COL21A1: variants seen among roughly 807,000 people sequenced by gnomAD.
COL21A1 encodes the protein collagen alpha-1(XXI) chain.
In COL21A1, 149 loss-of-function variants were observed where a neutral mutation model predicts 137.9. The ratio of observed to expected loss-of-function variants is 1.08; its 90% confidence interval spans 0.95 to 1.24. COL21A1 has a LOEUF of 1.24. Ranked by LOEUF, COL21A1 falls within the 50% of genes most tolerant of loss-of-function variation. The pLI is 0.00. For missense variants in COL21A1, 1,167 were observed against 1,158.4 expected, an observed-to-expected ratio of 1.01 and a Z score of -0.11; for synonymous variants, 456 against 391.5, an observed-to-expected ratio of 1.16 and a Z score of -1.95.
intron 1 of COL21A1, among the ~76,000 whole-genome samples, chr6:56,384,725 C>CTAAA (rs2094014636): frequency 6.6e-6 from 1 of 152,044 alleles, no homozygotes; most frequent in Admixed American, 6.6e-5. Context: ...GTAAGAGCAC[C>CTAAA]AGCCTGGAGA....
At chr6:56,102,307 G>A (rs1323889861) in intron 16 of COL21A1, among the ~76,000 whole-genome samples, 1 of 152,078 alleles carries the variant, frequency 6.6e-6, no homozygotes, top group Non-Finnish European at 1.5e-5. Flanking sequence ...GCAAGGAAGA[G>A]CCTGTTGACA....
intron 10 of COL21A1, among the ~76,000 whole-genome samples, chr6:56,148,124 T>C (rs1774985162): frequency 6.6e-6 from 1 of 152,158 alleles, no homozygotes; most frequent in South Asian, 2.1e-4. Flanking sequence ...AATACAGTTG[T>C]CATATATCTA....
intron 7 of COL21A1, among the ~76,000 whole-genome samples, chr6:56,165,900 G>A (rs1776536485): frequency 7.8e-6 from 1 of 127,792 alleles, no homozygotes; most frequent in Non-Finnish European, 1.6e-5. Context: ...GGGGAAAGGG[G>A]ATTGATTACA....
intron 1 of COL21A1, among the ~76,000 whole-genome samples, chr6:56,283,874 A>ACTCTCT (rs66937943): frequency 1.2e-3 from 176 of 146,278 alleles, no homozygotes; most frequent in African/African-American, 3.7e-3. Context: ...TCACACACAC[A>ACTCTCT]CTCTCTCTCT....
chr6:56,362,700 G>GC (rs1562072413), intron 1 of COL21A1, among the ~76,000 whole-genome samples: 1 of 151,686 alleles, frequency 6.6e-6, no homozygotes, highest in Admixed American at 6.6e-5. Context: ...CTGAATTCCT[G>GC]CCAGCATTTA....
chr6:56,384,058 C>A (rs2094013365), intron 1 of COL21A1, among the ~76,000 whole-genome samples: 1 of 152,126 alleles, frequency 6.6e-6, no homozygotes, highest in Admixed American at 6.5e-5. Context: ...GTGCATCCAT[C>A]CCTCCAAAGC....
chr6:56,273,981 A>G (rs578102617), intron 1 of COL21A1, among the ~76,000 whole-genome samples: 2 of 152,314 alleles, frequency 1.3e-5, no homozygotes, highest in Non-Finnish European at 2.9e-5. Flanking sequence ...AAAATCCTCA[A>G]AAAAATGCTA....
At chr6:56,177,922 T>C (rs1401822869) in intron 3 of COL21A1, among the ~76,000 whole-genome samples, 1 of 152,158 alleles carries the variant, frequency 6.6e-6, no homozygotes, top group African/African-American at 2.4e-5. Flanking sequence ...ACATAAATTA[T>C]TTATATCTTT....
intron 17 of COL21A1, among the ~76,000 whole-genome samples, chr6:56,081,252 T>G (rs1452231761): frequency 6.6e-6 from 1 of 151,624 alleles, no homozygotes. Context: ...TTTTTCTTTT[T>G]TTTTTTCTTA....
At chr6:56,151,959 G>A (rs527611119) in intron 10 of COL21A1, among the ~76,000 whole-genome samples, 1 of 152,174 alleles carries the variant, frequency 6.6e-6, no homozygotes, top group African/African-American at 2.4e-5. Flanking sequence ...GGAGGGGCTG[G>A]ATATTTAAGA....
intron 1 of COL21A1, among the ~76,000 whole-genome samples, chr6:56,224,268 C>T (rs1159994970): frequency 6.6e-6 from 1 of 152,070 alleles, no homozygotes; most frequent in African/African-American, 2.4e-5. Flanking sequence ...CTGCCAACAC[C>T]TATAAAACTG....
intron 1 of COL21A1, among the ~76,000 whole-genome samples, chr6:56,272,864 T>C (rs987762442): frequency 2.0e-5 from 3 of 152,238 alleles, no homozygotes; most frequent in African/African-American, 7.2e-5. Context: ...CCAAGCCATA[T>C]GGAACTGTGT....
At chr6:56,065,748 A>G (rs1763067044) in intron 23 of COL21A1, among the ~76,000 whole-genome samples, 1 of 151,966 alleles carries the variant, frequency 6.6e-6, no homozygotes, top group Non-Finnish European at 1.5e-5. Flanking sequence ...AGATAACACT[A>G]AAAAAGATTC....
intron 1 of COL21A1, among the ~76,000 whole-genome samples, chr6:56,200,714 A>G (rs962801412): frequency 1.1e-4 from 17 of 151,998 alleles, no homozygotes; most frequent in Non-Finnish European, 1.9e-4. Flanking sequence ...TGTTGGACAT[A>G]TGGCTTGGTT....
At position 56,156,999 on chromosome 6, in the gene COL21A1, G is replaced by A. The variant is rs1336799444; in HGVS notation, c.1372-50C>T. 21 of 1,279,230 alleles carry A rather than the reference G, an allele frequency of 1.6e-5. No homozygotes were observed. In the East Asian group the frequency reaches 4.7e-4, roughly 29 times the overall value. The allele number at this position is 1,279,230 out of a possible 1,614,324, so 79.2% of individuals were successfully genotyped here. On this transcript the variant is annotated intron_variant, in intron 9 of 29. Transcript: ENST00000244728. ...TGAGTACAAAACAACCAGCCACATT[G>A]GTGCAGTCAGGATCAATAAAAGTTC...
intron 1 of COL21A1, among the ~76,000 whole-genome samples, chr6:56,352,959 T>C (rs917410751): frequency 1.3e-5 from 2 of 152,026 alleles, no homozygotes; most frequent in Non-Finnish European, 2.9e-5. Context: ...GAGAATCACT[T>C]GAATCGGGGA....
intron 1 of COL21A1, among the ~76,000 whole-genome samples, chr6:56,376,829 A>AC (rs1295094979): frequency 4.9e-5 from 4 of 81,374 alleles, no homozygotes; most frequent in African/African-American, 5.8e-5. Flanking sequence ...ATCGACGCCC[A>AC]CCCCCCACCC....
chr6:56,170,602 C>T (rs1397350601), intron 5 of COL21A1, 47 bp downstream of exon 5: 2 of 1,310,574 alleles, frequency 1.5e-6, no homozygotes, highest in South Asian at 1.3e-5. Context: ...CCCAATAGTG[C>T]TTCCCCATGA....
chr6:56,233,972 T>G (rs1781745312), intron 1 of COL21A1, among the ~76,000 whole-genome samples: 1 of 151,818 alleles, frequency 6.6e-6, no homozygotes, highest in Non-Finnish European at 1.5e-5. Flanking sequence ...GAAATGTAAT[T>G]ATAACAATTA....
Sources: allele counts gnomAD v4.1 joint callset (sites outside exome capture counted in the v4.1 genomes callset), GRCh38; gene constraint gnomAD v4.1.1; transcripts MANE v1.5; gene names NCBI Gene and HGNC (gene_info 2026-07-23, HGNC 2026-07-21).